The following AGPAT5 variants were observed in gnomAD, a reference collection of about 807,000 sequenced individuals.
AGPAT5 encodes the protein 1-acylglycerol-3-phosphate O-acyltransferase 5.
Under a neutral mutation model 45.6 loss-of-function variants are expected in AGPAT5, and 46 were observed. The ratio of observed to expected loss-of-function variants is 1.01; its 90% CI spans 0.80 to 1.29. AGPAT5 has a LOEUF of 1.29. Ranked by LOEUF, AGPAT5 falls within the 50% of genes most tolerant of loss-of-function variation. AGPAT5 has a pLI of 0.00. For synonymous variants in AGPAT5, 272 were observed against 167.0 expected, an observed-to-expected ratio of 1.63 and a Z score of -4.85; for missense variants, 673 against 450.7, an observed-to-expected ratio of 1.49 and a Z score of -4.47.
At position 6,708,881 on chromosome 8, in the gene AGPAT5, G is replaced by T; in HGVS notation, c.213G>T (p.Gly71=). The T allele has an allele frequency of 1.2e-6, 2 of 1,602,340 alleles. No homozygotes were observed. The highest frequency in any genetic ancestry group is 1.7e-6 in the Non-Finnish European group (2 of 1,174,812). ...TCTTCTTCTTCGAGAATTACACCGG[G>T]GTCCAGGTGAGCCGCCTCCCGCTCC... ...MVLFFFENYT[G]VQILLYGDLP... Residue 71 remains glycine, a synonymous_variant, in exon 1 of 8, where the codon GGG becomes GGT. Transcript: ENST00000285518.
At chr8:6,734,239 A>G (rs1800965179) in intron 4 of AGPAT5, among the ~76,000 whole-genome samples, 1 of 148,662 alleles carries the variant, frequency 6.7e-6, no homozygotes, top group Admixed American at 6.7e-5. Flanking sequence ...TCTTAGATGC[A>G]TTATTCGTTT....
chr8:6,755,868 G>A (rs1475940084), intron 7 of AGPAT5, among the ~76,000 whole-genome samples: 29 of 152,048 alleles, frequency 1.9e-4, no homozygotes. Flanking sequence ...ATTTTTCATT[G>A]ACTCTTAACT....
chr8:6,715,957 A>G (rs926958561), intron 1 of AGPAT5, among the ~76,000 whole-genome samples: 5 of 152,116 alleles, frequency 3.3e-5, no homozygotes, highest in Non-Finnish European at 7.4e-5. Context: ...GGTTTTCTAA[A>G]TTCTGCCCCG....
At chr8:6,735,108 C>G (rs984221944) in intron 4 of AGPAT5, among the ~76,000 whole-genome samples, 6 of 152,184 alleles carry the variant, frequency 3.9e-5, no homozygotes, top group Admixed American at 2.6e-4. Context: ...TGCCTTGCTT[C>G]TGGCTGTAAG....
chr8:6,724,963 CAT>C (rs749041387), intron 2 of AGPAT5, 24 bp downstream of exon 2: 63 of 1,037,046 alleles, frequency 6.1e-5, no homozygotes, highest in Non-Finnish European at 7.7e-5. Flanking sequence ...TTGCATGAAA[CAT>C]AGGTTTTTCT....
intron 1 of AGPAT5, among the ~76,000 whole-genome samples, chr8:6,716,722 A>G (rs1404680183): frequency 6.6e-6 from 1 of 152,104 alleles, no homozygotes; most frequent in Admixed American, 6.5e-5. Flanking sequence ...AATCTCAGCT[A>G]CATGGGAGGC....
Position 6,760,779 on chromosome 8 carries a change from A to G in AGPAT5, c.*3391A>G, listed in dbSNP as rs1303733940. ...TGAAATTACGTTATCACTTAGTATA[A>G]TTGACATTATATAGAGACTATGTAA... On this transcript the variant is annotated 3_prime_UTR_variant, in exon 8 of 8. Coordinates refer to ENST00000285518, the MANE Select transcript of AGPAT5 (RefSeq NM_018361.5). 6.6e-6 allele frequency among the ~76,000 whole-genome samples: 1 copy of G among 151,976 alleles called. No individual in the cohort carries two copies. The highest frequency in any genetic ancestry group is 1.5e-5 in the Non-Finnish European group (1 of 68,034).
chr8:6,748,338 G>A (rs559237266), intron 6 of AGPAT5, among the ~76,000 whole-genome samples: 21 of 152,206 alleles, frequency 1.4e-4, no homozygotes, highest in Non-Finnish European at 2.8e-4. Context: ...AATTTTAAGT[G>A]AGCAGGATAA....
chr8:6,734,328 G>A (rs777093581), intron 4 of AGPAT5, among the ~76,000 whole-genome samples: 19 of 145,030 alleles, frequency 1.3e-4, no homozygotes, highest in Non-Finnish European at 7.6e-5. Flanking sequence ...GATAATTTCT[G>A]TTGACCCACC....
chr8:6,739,859 T>C (rs998698931), intron 4 of AGPAT5, among the ~76,000 whole-genome samples: 1 of 152,134 alleles, frequency 6.6e-6, no homozygotes, highest in Non-Finnish European at 1.5e-5. Flanking sequence ...CTCATTCTTT[T>C]ATCCATTCTT....
Position 6,761,366 on chromosome 8 carries a change from G to C in AGPAT5, c.*3978G>C, listed in dbSNP as rs556525778. Among the ~76,000 whole-genome samples, 2 of 152,194 alleles carry C rather than the reference G, an allele frequency of 1.3e-5. No individual in the cohort carries two copies. The highest frequency in any genetic ancestry group is 2.1e-4 in the South Asian group (1 of 4,814). On this transcript the variant is annotated 3_prime_UTR_variant, in exon 8 of 8. Transcript: ENST00000285518. The stretch of plus-strand genomic sequence containing the variant: ...TTAAAAAAGGTGCTATTGAAATTCT[G>C]TGTCTCCAGCAGGCAAGAATACTTG...
chr8:6,732,021 T>C (rs1234713178), intron 3 of AGPAT5, among the ~76,000 whole-genome samples: 2 of 152,224 alleles, frequency 1.3e-5, no homozygotes, highest in Non-Finnish European at 2.9e-5. Context: ...TTTTTTAACC[T>C]TAATTACCAC....
intron 5 of AGPAT5, chr8:6,745,745 G>C (rs1426706585): frequency 6.7e-6 from 1 of 150,116 alleles, no homozygotes; most frequent in Non-Finnish European, 1.5e-5. Context: ...TGTTTCCGGA[G>C]TCTGTATTTC....
chr8:6,753,755 A>G (rs1020607906), intron 6 of AGPAT5, among the ~76,000 whole-genome samples: 8 of 152,238 alleles, frequency 5.3e-5, no homozygotes, highest in Admixed American at 3.9e-4. Context: ...AGGAAAATTA[A>G]GACAAAAATA....
chr8:6,725,452 C>G, intron 2 of AGPAT5, among the ~76,000 whole-genome samples: 1 of 152,172 alleles, frequency 6.6e-6, no homozygotes, highest in South Asian at 2.1e-4. Context: ...GAGAACTGGT[C>G]TTCAAAACAG....
intron 2 of AGPAT5, among the ~76,000 whole-genome samples, chr8:6,729,429 A>C (rs1800790919): frequency 1.3e-5 from 2 of 151,648 alleles, no homozygotes; most frequent in African/African-American, 2.4e-5. Flanking sequence ...GTGATGATAG[A>C]ATTATTCTTT....
chr8:6,748,164 TAGTC>T (rs1214611853), intron 6 of AGPAT5, among the ~76,000 whole-genome samples: 1 of 152,190 alleles, frequency 6.6e-6, no homozygotes, highest in Non-Finnish European at 1.5e-5. Context: ...TGCACGTTAT[TAGTC>T]AGTGCTGCCC....
intron 4 of AGPAT5, among the ~76,000 whole-genome samples, chr8:6,737,808 A>C (rs1238564599): frequency 6.6e-6 from 1 of 152,202 alleles, no homozygotes; most frequent in African/African-American, 2.4e-5. Flanking sequence ...GCTATAGCTT[A>C]TACATCAGTA....
chr8:6,733,482 A>G (rs1800939935), intron 4 of AGPAT5, among the ~76,000 whole-genome samples: 2 of 152,162 alleles, frequency 1.3e-5, no homozygotes, highest in Non-Finnish European at 1.5e-5. Flanking sequence ...GTGTTTTTAC[A>G]TTAGAACATT....
Sources: allele counts gnomAD v4.1 joint callset (sites outside exome capture counted in the v4.1 genomes callset), GRCh38; gene constraint gnomAD v4.1.1; transcripts MANE v1.5; gene names NCBI Gene and HGNC (gene_info 2026-07-23, HGNC 2026-07-21).